Variants in RAC1 observed in about 807,000 individuals in gnomAD.
The protein encoded by RAC1 is ras-related C3 botulinum toxin substrate 1.
Under a neutral mutation model 25.2 loss-of-function variants are expected in RAC1, and 2 were observed. That is an observed-to-expected ratio of 0.08 (90% CI 0.03 to 0.25). The LOEUF (loss-of-function observed/expected upper bound fraction) is 0.25, where lower values mean the gene tolerates loss of function less well. Ranked by LOEUF, RAC1 falls within the 10% of genes least tolerant of loss-of-function variation. The pLI, the probability that RAC1 is intolerant of heterozygous loss-of-function variation, is 1.00. For missense variants in RAC1, 50 were observed against 235.7 expected (o/e 0.21, Z 5.16); for synonymous variants, 88 against 94.0 (o/e 0.94, Z 0.37).
chr7:6,379,186 C>T (rs1327783075), intron 1 of RAC1, among the ~76,000 whole-genome samples: 1 of 151,716 alleles, frequency 6.6e-6, no homozygotes, highest in Non-Finnish European at 1.5e-5. Flanking sequence ...ACTGCAGCCT[C>T]CACCTCCTGG....
At chr7:6,400,053 C>A in intron 3 of RAC1, 73 bp from the exon 4 acceptor site, 1 of 1,347,680 alleles carries the variant, frequency 7.4e-7, no homozygotes, top group Non-Finnish European at 1.1e-6. Context: ...TTCCCAGCAA[C>A]ATGTAGAAAG....
At chr7:6,395,100 C>T (rs905884471) in intron 3 of RAC1, among the ~76,000 whole-genome samples, 8 of 152,208 alleles carry the variant, frequency 5.3e-5, no homozygotes, top group South Asian at 4.1e-4. Context: ...GTGATCCGCC[C>T]GCCTTGGCCT....
intron 1 of RAC1, among the ~76,000 whole-genome samples, chr7:6,383,933 G>T (rs567443080): frequency 6.6e-6 from 1 of 151,194 alleles, no homozygotes; most frequent in Non-Finnish European, 1.5e-5. Context: ...CTCCCGAGTA[G>T]CTGGGATTAC....
At chr7:6,400,836 C>T (rs541294701) in intron 4 of RAC1, among the ~76,000 whole-genome samples, 12 of 151,998 alleles carry the variant, frequency 7.9e-5, no homozygotes, top group Admixed American at 3.9e-4. Flanking sequence ...CCACCACGCC[C>T]GGCTAATTTT....
intron 1 of RAC1, among the ~76,000 whole-genome samples, chr7:6,379,387 G>A (rs1416263356): frequency 6.7e-6 from 1 of 149,330 alleles, no homozygotes; most frequent in Non-Finnish European, 1.5e-5. Context: ...CGATTCTCCT[G>A]CCTCAGCTTG....
chr7:6,398,804 C>T, intron 3 of RAC1: 1 of 1,269,126 alleles, frequency 7.9e-7, no homozygotes, highest in Non-Finnish European at 1.1e-6. Flanking sequence ...TTTATTAAGC[C>T]TCAAGCTCCT....
At chr7:6,386,392 G>T (rs1435017921) in intron 1 of RAC1, among the ~76,000 whole-genome samples, 1 of 152,154 alleles carries the variant, frequency 6.6e-6, no homozygotes, top group Non-Finnish European at 1.5e-5. Flanking sequence ...CATAGGGGAG[G>T]CTGTAGGGAT....
chr7:6,380,045 T>A (rs2115184669), intron 1 of RAC1, among the ~76,000 whole-genome samples: 1 of 152,356 alleles, frequency 6.6e-6, no homozygotes, highest in South Asian at 2.1e-4. Flanking sequence ...TCTAGCCCAA[T>A]GTCTGACTTG....
At chr7:6,387,549 C>T (rs1407222941) in intron 2 of RAC1, among the ~76,000 whole-genome samples, 2 of 151,952 alleles carry the variant, frequency 1.3e-5, no homozygotes, top group African/African-American at 4.8e-5. Context: ...CGTGATGAAA[C>T]CCCATCTCTA....
chr7:6,389,669 G>A (rs1325270717), intron 2 of RAC1, among the ~76,000 whole-genome samples: 1 of 151,840 alleles, frequency 6.6e-6, no homozygotes, highest in Non-Finnish European at 1.5e-5. Flanking sequence ...AACAGAACAA[G>A]ACATTGTCTC....
chr7:6,398,769 A>C, intron 3 of RAC1: 5 of 1,545,874 alleles, frequency 3.2e-6, no homozygotes, highest in Non-Finnish European at 4.5e-6. Flanking sequence ...CTGTTCTCTC[A>C]TTTCACTTCG....
At chr7:6,400,070 G>A in intron 3 of RAC1, 56 bp from the exon 4 acceptor site, 1 of 1,471,102 alleles carries the variant, frequency 6.8e-7, no homozygotes, top group Non-Finnish European at 9.5e-7. Flanking sequence ...AAAGCAAAGT[G>A]CATGCTTCAT....
intron 3 of RAC1, among the ~76,000 whole-genome samples, chr7:6,394,467 GTATT>G (rs1327237409): frequency 4.6e-5 from 6 of 131,174 alleles, no homozygotes; most frequent in Non-Finnish European, 8.7e-5. Flanking sequence ...TAGATCACCT[GTATT>G]TATTTGCCTG....
chr7:6,399,280 C>A (rs188581128), intron 3 of RAC1, among the ~76,000 whole-genome samples: 45 of 152,304 alleles, frequency 3.0e-4, no homozygotes, highest in African/African-American at 1.0e-3. Context: ...AAGGTATCAG[C>A]TGGAGGGTTG....
intron 3 of RAC1, among the ~76,000 whole-genome samples, chr7:6,396,920 C>T (rs192163268): frequency 4.8e-3 from 726 of 152,004 alleles, no homozygotes; most frequent in Non-Finnish European, 7.7e-3. Context: ...GTCCCAGCTA[C>T]TCGGGAGGCT....
chr7:6,400,669 T>TTTTTTG (rs34596091), intron 4 of RAC1, among the ~76,000 whole-genome samples: 2,946 of 152,002 alleles, frequency 0.019, 39 homozygotes, highest in Middle Eastern at 0.095. Context: ...GAGAGTCTTT[T>TTTTTTG]TTTTTGTTTT....
chr7:6,390,096 CT>C (rs34547258), intron 2 of RAC1, among the ~76,000 whole-genome samples: 118 of 74,904 alleles, frequency 1.6e-3, no homozygotes, highest in Middle Eastern at 0.019. Context: ...CCCTCCCTCC[CT>C]TTTTTTTTTT....
At chr7:6,383,903 A>T (rs1782848263) in intron 1 of RAC1, among the ~76,000 whole-genome samples, 1 of 142,724 alleles carries the variant, frequency 7.0e-6, no homozygotes. Context: ...CCCGGGTTCA[A>T]GCGACTCTCC....
intron 1 of RAC1, among the ~76,000 whole-genome samples, chr7:6,377,150 CTG>C (rs1420141177): frequency 2.0e-5 from 3 of 151,038 alleles, no homozygotes; most frequent in East Asian, 1.9e-4. Context: ...TACTGAGACT[CTG>C]TGAGGGAGTA....
Sources: allele counts gnomAD v4.1 joint callset (sites outside exome capture counted in the v4.1 genomes callset), GRCh38; gene constraint gnomAD v4.1.1; transcripts MANE v1.5; gene names NCBI Gene and HGNC (gene_info 2026-07-23, HGNC 2026-07-21).